The following ARHGDIG variants were observed in gnomAD, a reference collection of about 807,000 sequenced individuals.
The protein encoded by ARHGDIG is Rho GDP dissociation inhibitor gamma, also known as rho GDP-dissociation inhibitor 3.
In ARHGDIG, 14 loss-of-function variants were observed where a neutral mutation model predicts 20.2. The ratio of observed to expected loss-of-function variants is 0.69; its 90% confidence interval spans 0.46 to 1.08. The LOEUF (loss-of-function observed/expected upper bound fraction) is 1.08. ARHGDIG is among the 50% of genes least tolerant of loss of function. ARHGDIG has a pLI of 0.00. For missense variants in ARHGDIG, 311 were observed against 301.8 expected, an observed-to-expected ratio of 1.03 and a Z score of -0.23; for synonymous variants, 193 against 138.6, an observed-to-expected ratio of 1.39 and a Z score of -2.76.
chr16:281,139 C>T lies in ARHGDIG; in HGVS notation c.73+386C>T, dbSNP rs562825536. The stretch of plus-strand genomic sequence containing the variant: ...CACCAGGGAGAGGGGCTTCAGGAGG[C>T]CACCAGCCCGGGGCGCCATGGGAGG... On this transcript the variant is annotated intron_variant, in intron 1 of 5. Coordinates refer to ENST00000219409, the MANE Select transcript of ARHGDIG (RefSeq NM_001176.4). 1.5e-3 allele frequency: 225 copies of T among 154,512 alleles called. 1 individual carries two copies. The highest frequency in any genetic ancestry group is 2.5e-3 in the Admixed American group (39 of 15,360). The allele number at this position is 154,512 out of a possible 1,614,324, so 9.6% of individuals were successfully genotyped here.
chr16:282,655 C>A lies in ARHGDIG; in HGVS notation c.519C>A (p.Ser173Arg), dbSNP rs138141299. ...TVYMVGSYGPSAQEYEFVTPV... is the reference protein window; with the variant it reads ...TVYMVGSYGPRAQEYEFVTPV... Reference sequence around the variant, plus strand: ...ACATGGTGGGCAGCTATGGCCCGAGCGCCCAGGAGTATGAGTTTGTGACTC... The same window carrying A: ...ACATGGTGGGCAGCTATGGCCCGAGAGCCCAGGAGTATGAGTTTGTGACTC... The change falls in exon 6 of 6, where the codon AGC becomes AGA. Residue 173 changes from serine (S) to arginine (R), a missense_variant. Transcript: ENST00000219409. The A allele has an allele frequency of 2.5e-6, 4 of 1,598,712 alleles. No individual in the cohort carries two copies. In the African/African-American group the frequency reaches 4.0e-5, roughly 16 times the overall value.
Position 280,599 on chromosome 16 carries a change from C to T in ARHGDIG, c.-82C>T. On this transcript the variant is annotated 5_prime_UTR_variant, in exon 1 of 6. Transcript: ENST00000219409. This position sits in a 1 kb window ranked among gnomAD's most constrained non-coding sequence, Gnocchi z 6.6. ...CGGGATGAGCTCACCGCAGTCGCGC[C>T]GGGGCTGAGCGCCGAGCGGGGCGGC... 3.0e-6 allele frequency: 2 copies of T among 668,652 alleles called. No homozygotes were observed. Among genetic ancestry groups the T allele is most frequent in the East Asian group, 1.4e-4 (1 of 7,238 alleles). 41.4% of individuals were successfully genotyped at this position (668,652 alleles called of 1,614,324 possible).
At chr16:281,261 A>G (rs1422008385) in intron 1 of ARHGDIG, 2 of 153,650 alleles carry the variant, frequency 1.3e-5, no homozygotes, top group African/African-American at 5.0e-5. Context: ...GTGTTCAGAG[A>G]CCCCAGTCCA....
At position 280,973 on chromosome 16, in the gene ARHGDIG, C is replaced by CCT; in HGVS notation, c.73+224_73+225dup. The CCT allele has an allele frequency of 4.3e-6, 1 of 235,036 alleles. No individual in the cohort carries two copies. The highest frequency in any genetic ancestry group is 8.7e-6 in the Non-Finnish European group (1 of 115,472). 14.6% of individuals were successfully genotyped at this position (235,036 alleles called of 1,614,324 possible). A position where few individuals can be genotyped will look rare whatever the true frequency, so the allele number is the denominator to read the frequency against. On this transcript the variant is annotated intron_variant, in intron 1 of 5. Transcript: ENST00000219409. The surrounding 1 kb of genome is among the most constrained non-coding windows in gnomAD (Gnocchi z 6.6). ...GCTTGGGAAGCGGCGGCGCTGGGAC[C>CCT]CTCTCCCCCTGGACACCGCCGCCTG...
At chr16:282,223 C>G in intron 3 of ARHGDIG, 74 bp from the exon 4 acceptor site, 1 of 1,607,334 alleles carries the variant, frequency 6.2e-7, no homozygotes, top group South Asian at 1.1e-5. Context: ...GGGTACCACA[C>G]CCTACGTGGG....
In ARHGDIG at chr16:282,945, C is replaced by T. The variant is rs1340886442; in HGVS notation, c.*131C>T. On this transcript the variant is annotated 3_prime_UTR_variant, in exon 6 of 6. Coordinates refer to ENST00000219409, the MANE Select transcript of ARHGDIG (RefSeq NM_001176.4). ...TGCCCCTGCTGCCCCTGCTCTGTCC[C>T]GGGACCCCCTGGCCTGGCGCTGTCC... 1.8e-5 allele frequency: 17 copies of T among 967,904 alleles called. No homozygotes were observed. The African/African-American group carries it at 3.6e-4, about 21-fold the overall frequency. 60.0% of individuals were successfully genotyped at this position (967,904 alleles called of 1,614,324 possible).
Position 281,773 on chromosome 16 carries a change from C to G in ARHGDIG, c.101C>G (p.Pro34Arg). The G allele has an allele frequency of 6.2e-7, 1 of 1,604,170 alleles. No homozygotes were observed. Residue 34 changes from proline to arginine, a missense_variant, in exon 2 of 6, where the codon CCG (proline) becomes CGG (arginine). Physicochemically the swap from Pro to Arg is moderately radical, Grantham distance 103 (BLOSUM62 -2). Coordinates refer to ENST00000219409, the MANE Select transcript of ARHGDIG (RefSeq NM_001176.4). ...CTCCTGGCTGACAAGGAGGGTGGGCCGCCGGCAGTGGACGAGGTGTTGGAT... is the reference window on the plus strand; with the variant it reads ...CTCCTGGCTGACAAGGAGGGTGGGCGGCCGGCAGTGGACGAGGTGTTGGAT... ...RVLLADKEGG[P>R]PAVDEVLDEA... is the part of the protein sequence containing the mutation.
rs1189865386 is a variant in ARHGDIG, at chr16:282,746, G to A, written c.610G>A (p.Asp204Asn). ...CTATCTGGTGGTGTCCCTCTTCACC[G>A]ACGATGACAGGACGCACCACCTGTC... ...GPYLVVSLFT[D>N]DDRTHHLSWE... is the part of the protein sequence containing the mutation. The change falls in exon 6 of 6, where the codon GAC (aspartate) becomes AAC (asparagine). Residue 204 changes from aspartate (D) to asparagine (N), a missense_variant. Transcript: ENST00000219409. 5.0e-6 allele frequency: 8 copies of A among 1,607,806 alleles called. No individual in the cohort carries two copies. The highest frequency in any genetic ancestry group is 6.8e-6 in the Non-Finnish European group (8 of 1,177,738).
At position 281,941 on chromosome 16, in the gene ARHGDIG, AGGCTTGGAGGGCTGGGTCTG is replaced by A; in HGVS notation, c.253+19_253+38del. On this transcript the variant is annotated intron_variant, in intron 2 of 5. Coordinates refer to ENST00000219409, the MANE Select transcript of ARHGDIG (RefSeq NM_001176.4). ...CCGGCCGTGGGTATGGCAGGGGTCT[AGGCTTGGAGGGCTGGGTCTG>A]GGGGGCTGGTGAGGAGCCTGGTGGG... 1 of 1,449,392 alleles carries A rather than the reference AGGCTTGGAGGGCTGGGTCTG, an allele frequency of 6.9e-7. No homozygotes were observed. Among genetic ancestry groups the A allele is most frequent in the Middle Eastern group, 1.9e-4 (1 of 5,134 alleles). 89.8% of individuals were successfully genotyped at this position (1,449,392 alleles called of 1,614,324 possible). A position where few individuals can be genotyped will look rare whatever the true frequency, so the allele number is the denominator to read the frequency against.
In ARHGDIG at chr16:282,910, CT is replaced by C. The variant is rs2141445566; in HGVS notation, c.*97del. 1 of 977,270 alleles carries C rather than the reference CT, an allele frequency of 1.0e-6. No individual in the cohort carries two copies. The highest frequency in any genetic ancestry group is 1.4e-6 in the Non-Finnish European group (1 of 701,020). 60.5% of individuals were successfully genotyped at this position (977,270 alleles called of 1,614,324 possible). A position where few individuals can be genotyped will look rare whatever the true frequency, so the allele number is the denominator to read the frequency against. On this transcript the variant is annotated 3_prime_UTR_variant, in exon 6 of 6. Coordinates refer to ENST00000219409, the MANE Select transcript of ARHGDIG (RefSeq NM_001176.4). Reference sequence around the variant, plus strand: ...CCGTGAGTGACCAGACCCTCCCCTGCTGCCCCTGCTGCCCCTGCTGCCCCTG... The same window carrying C: ...CCGTGAGTGACCAGACCCTCCCCTGCGCCCCTGCTGCCCCTGCTGCCCCTG...
chr16:282,558 C>CGGGGGGGGGGGGAAGGGGGGG (rs61572786), intron 5 of ARHGDIG, 28 bp downstream of exon 5: 6 of 1,313,268 alleles, frequency 4.6e-6, no homozygotes, highest in Admixed American at 2.5e-5. Flanking sequence ...GGGAACGGGG[C>CGGGGGGGGGGGGAAGGGGGGG]GGGGGGGGGA....
In ARHGDIG at chr16:280,622, GGC is replaced by G; in HGVS notation, c.-57_-56del. 1.2e-6 allele frequency: 1 copy of G among 810,012 alleles called. No homozygotes were observed. The highest frequency in any genetic ancestry group is 1.5e-6 in the Non-Finnish European group (1 of 675,824). 50.2% of individuals were successfully genotyped at this position (810,012 alleles called of 1,614,324 possible). On this transcript the variant is annotated 5_prime_UTR_variant, in exon 1 of 6. Coordinates refer to ENST00000219409, the MANE Select transcript of ARHGDIG (RefSeq NM_001176.4). The surrounding 1 kb of genome is among the most constrained non-coding windows in gnomAD (Gnocchi z 6.6). ...GCCGGGGCTGAGCGCCGAGCGGGGCGGCGGCGGGGCGGGCGGCGGCTCCTCGG... is the reference window on the plus strand; with the variant it reads ...GCCGGGGCTGAGCGCCGAGCGGGGCGGGCGGGGCGGGCGGCGGCTCCTCGG...
In ARHGDIG at chr16:282,558, C is replaced by CGGGGGGGGGGGAAGGGGGGG. The variant is rs61572786; in HGVS notation, c.478+37_478+38insGGAAGGGGGGGGGGGGGGGG. ...GAGGGCAGCGGTGGGGGGAACGGGGCGGGGGGGGGAAGCGGGGGCAGACAG... is the reference window on the plus strand; with the variant it reads ...GAGGGCAGCGGTGGGGGGAACGGGGCGGGGGGGGGGGAAGGGGGGGGGGGGGGGGAAGCGGGGGCAGACAG... On this transcript the variant is annotated intron_variant, in intron 5 of 5. Coordinates refer to ENST00000219409, the MANE Select transcript of ARHGDIG (RefSeq NM_001176.4). The CGGGGGGGGGGGAAGGGGGGG allele has an allele frequency of 6.1e-6, 8 of 1,313,268 alleles. No homozygotes were observed. The Admixed American group carries it at 7.5e-5, about 12-fold the overall frequency. 81.4% of individuals were successfully genotyped at this position (1,313,268 alleles called of 1,614,324 possible).
In ARHGDIG at chr16:280,895, G is replaced by GA. The variant is rs1438140986; in HGVS notation, c.73+143dup. The GA allele has an allele frequency of 8.1e-6, 3 of 371,982 alleles. No homozygotes were observed. Among genetic ancestry groups the GA allele is most frequent in the African/African-American group, 6.6e-5 (3 of 45,330 alleles). The allele number at this position is 371,982 out of a possible 1,614,324, so 23.0% of individuals were successfully genotyped here. A position where few individuals can be genotyped will look rare whatever the true frequency, so the allele number is the denominator to read the frequency against. On this transcript the variant is annotated intron_variant, in intron 1 of 5. Transcript: ENST00000219409. This position sits in a 1 kb window ranked among gnomAD's most constrained non-coding sequence, Gnocchi z 6.6. The stretch of plus-strand genomic sequence containing the variant: ...CGGCTGGGGTCTGGCAGGGGTGGGG[G>GA]ACTTCATCCAGGCTCCAGCCCTGTG...
intron 5 of ARHGDIG, 34 bp from the exon 6 acceptor site, chr16:282,581 C>G (rs1285637517): frequency 6.4e-7 from 1 of 1,562,636 alleles, no homozygotes; most frequent in Non-Finnish European, 8.7e-7. Context: ...CGGGGGCAGA[C>G]AGAGGACAGC....
Position 280,865 on chromosome 16 carries a change from C to A in ARHGDIG, c.73+112C>A, listed in dbSNP as rs775866636. 1 of 591,366 alleles carries A rather than the reference C, an allele frequency of 1.7e-6. No homozygotes were observed. The highest frequency in any genetic ancestry group is 2.3e-6 in the Non-Finnish European group (1 of 442,562). 36.6% of individuals were successfully genotyped at this position (591,366 alleles called of 1,614,324 possible). A position where few individuals can be genotyped will look rare whatever the true frequency, so the allele number is the denominator to read the frequency against. On this transcript the variant is annotated intron_variant, in intron 1 of 5. Transcript: ENST00000219409. The surrounding 1 kb of genome is among the most constrained non-coding windows in gnomAD (Gnocchi z 6.6). Reference sequence around the variant, plus strand: ...GCGCATGGGGACCTCGCGGCGCCGACCCCCCGGCTGGGGTCTGGCAGGGGT... The same window carrying A: ...GCGCATGGGGACCTCGCGGCGCCGAACCCCCGGCTGGGGTCTGGCAGGGGT...
rs2052291186 is a variant in ARHGDIG at position 282,019 on chromosome 16, C to T, written c.254-6C>T. 1.9e-6 allele frequency: 3 copies of T among 1,611,652 alleles called. No individual in the cohort carries two copies. The highest frequency in any genetic ancestry group is 2.7e-5 in the African/African-American group (2 of 74,782). On this transcript the variant is annotated splice_polypyrimidine_tract_variant and splice_region_variant and intron_variant, in intron 2 of 5. Coordinates refer to ENST00000219409, the MANE Select transcript of ARHGDIG (RefSeq NM_001176.4). The stretch of plus-strand genomic sequence containing the variant: ...GGCATCCTGCAGACTTCCAGTTTCT[C>T]CTCAGACCCAAGCCTGCCCAATGTG...
intron 4 of ARHGDIG, 41 bp from the exon 5 acceptor site, chr16:282,422 CAGAG>C: frequency 6.2e-7 from 1 of 1,612,074 alleles, no homozygotes; most frequent in Non-Finnish European, 8.5e-7. Flanking sequence ...GGGCAACAGC[CAGAG>C]GCCTGGCCCC....
Position 280,658 on chromosome 16 carries a change from C to A in ARHGDIG, c.-23C>A, listed in dbSNP as rs1271743460. 31 of 849,816 alleles carry A rather than the reference C, an allele frequency of 3.6e-5. 2 individuals are homozygous for A. The African/African-American group carries it at 1.8e-3, about 49-fold the overall frequency. The allele number at this position is 849,816 out of a possible 1,614,324, so 52.6% of individuals were successfully genotyped here. A position where few individuals can be genotyped will look rare whatever the true frequency, so the allele number is the denominator to read the frequency against. ...GGGCGGCGGCTCCTCGGCGGCTCCG[C>A]GGCGCCCGGGCCGCGCGCCGCCATG... is the stretch of plus-strand genomic sequence containing the variant. On this transcript the variant is annotated 5_prime_UTR_variant, in exon 1 of 6. Transcript: ENST00000219409. This position sits in a 1 kb window ranked among gnomAD's most constrained non-coding sequence, Gnocchi z 6.6.
Sources: allele counts gnomAD v4.1 joint callset, GRCh38; gene constraint gnomAD v4.1.1; non-coding constraint Gnocchi (gnomAD v3.1); transcripts MANE v1.5; gene names NCBI Gene and HGNC (gene_info 2026-07-23, HGNC 2026-07-21).